CORO1C: variants seen among roughly 807,000 people sequenced by gnomAD.
CORO1C encodes coronin 1C, also known as coronin-1C.
A neutral mutation model predicts 51.2 loss-of-function variants in CORO1C; 14 were observed. That is an observed-to-expected ratio of 0.27 (90% CI 0.18 to 0.43). The LOEUF (loss-of-function observed/expected upper bound fraction) is 0.43. CORO1C is among the 20% of genes least tolerant of loss of function. The pLI is 1.00. For synonymous variants in CORO1C, 181 were observed against 210.5 expected (o/e 0.86, Z 1.21); for missense variants, 417 against 607.8 (o/e 0.69, Z 3.30).
At chr12:108,671,832 G>A (rs1449613341) in intron 3 of CORO1C, among the ~76,000 whole-genome samples, 3 of 152,034 alleles carry the variant, frequency 2.0e-5, no homozygotes, top group Non-Finnish European at 2.9e-5. Context: ...GCACGATCAC[G>A]GCTCAATGCA....
chr12:108,648,623 G>A lies in CORO1C; in HGVS notation c.1287C>T (p.Thr429=), dbSNP rs939101553. 1 of 1,614,064 alleles carries A rather than the reference G, an allele frequency of 6.2e-7. No homozygotes were observed. Among genetic ancestry groups the A allele is most frequent in the Non-Finnish European group, 8.5e-7 (1 of 1,180,038 alleles). The change falls in exon 10 of 11, where the codon ACC becomes ACT. Residue 429 remains threonine, a synonymous_variant. Coordinates refer to ENST00000261401, the MANE Select transcript of CORO1C (RefSeq NM_014325.4). ...TCCTCACCACACTGGCCGTGTCTGT[G>A]GTTTTCTTGGGGATGCTGATCAGGT... ...KCDLISIPKK[T]TDTASVQNEA...
At chr12:108,697,132 A>G (rs966406409) in intron 2 of CORO1C, among the ~76,000 whole-genome samples, 5 of 152,218 alleles carry the variant, frequency 3.3e-5, no homozygotes, top group African/African-American at 1.2e-4. Flanking sequence ...TGAGGTTGCA[A>G]TAAGAAGCCT....
intron 3 of CORO1C, among the ~76,000 whole-genome samples, chr12:108,667,373 T>G (rs986174544): frequency 1.3e-5 from 2 of 152,236 alleles, no homozygotes; most frequent in African/African-American, 4.8e-5. Flanking sequence ...ACTGGTACTG[T>G]AATACCAACC....
At chr12:108,730,466 T>C (rs1335360240) in intron 1 of CORO1C, 3 of 152,384 alleles carry the variant, frequency 2.0e-5, no homozygotes, top group Non-Finnish European at 4.4e-5. Context: ...CTGGGGAGCG[T>C]GCGCCGGTGG....
chr12:108,657,489 G>A (rs1227208184), intron 5 of CORO1C, 66 bp from the exon 6 acceptor site: 7 of 1,567,690 alleles, frequency 4.5e-6, no homozygotes, highest in Non-Finnish European at 6.1e-6. Context: ...GGAGAAACTC[G>A]GGCACAGATC....
chr12:108,726,613 C>T (rs1202642329), intron 1 of CORO1C, among the ~76,000 whole-genome samples: 1 of 150,010 alleles, frequency 6.7e-6, no homozygotes, highest in Non-Finnish European at 1.5e-5. Flanking sequence ...AGTTCAAGAC[C>T]AGCCTATACA....
intron 1 of CORO1C, among the ~76,000 whole-genome samples, chr12:108,723,117 T>C (rs1050064546): frequency 2.0e-5 from 3 of 152,174 alleles, no homozygotes; most frequent in African/African-American, 4.8e-5. Flanking sequence ...TAGGATGACA[T>C]TGTTAAGCTA....
chr12:108,655,913 G>A (rs2032948054), intron 6 of CORO1C, among the ~76,000 whole-genome samples: 3 of 151,356 alleles, frequency 2.0e-5, no homozygotes, highest in Admixed American at 6.6e-5. Flanking sequence ...CTTCCCGGCC[G>A]CCATCCCGTC....
chr12:108,672,834 C>CTACT (rs1036028450), intron 3 of CORO1C, among the ~76,000 whole-genome samples: 3 of 152,094 alleles, frequency 2.0e-5, no homozygotes, highest in Non-Finnish European at 4.4e-5. Context: ...TCTGATGTTA[C>CTACT]TACTGTAATT....
At chr12:108,660,174 G>A (rs956330821) in intron 4 of CORO1C, among the ~76,000 whole-genome samples, 2 of 152,134 alleles carry the variant, frequency 1.3e-5, no homozygotes, top group East Asian at 1.9e-4. Flanking sequence ...GAAACTGGCC[G>A]GGCACGGTGG....
intron 3 of CORO1C, among the ~76,000 whole-genome samples, chr12:108,670,983 AG>A (rs1565911611): frequency 6.6e-6 from 1 of 151,644 alleles, no homozygotes; most frequent in Non-Finnish European, 1.5e-5. Flanking sequence ...AAGAAATAAA[AG>A]GAAAAGAGCA....
chr12:108,709,725 GA>G (rs920295500), intron 1 of CORO1C, among the ~76,000 whole-genome samples: 2 of 148,770 alleles, frequency 1.3e-5, no homozygotes, highest in African/African-American at 4.9e-5. Flanking sequence ...TCTCAAAAAA[GA>G]AAAAAAAAGA....
chr12:108,699,765 A>G (rs1031473620), intron 2 of CORO1C, among the ~76,000 whole-genome samples: 23 of 152,230 alleles, frequency 1.5e-4, no homozygotes, highest in African/African-American at 5.5e-4. Context: ...AACAGAAATA[A>G]AAGTATCTAA....
At chr12:108,671,987 T>A (rs1399651548) in intron 3 of CORO1C, among the ~76,000 whole-genome samples, 2 of 152,176 alleles carry the variant, frequency 1.3e-5, no homozygotes, top group East Asian at 3.8e-4. Flanking sequence ...GGTCTTGAAC[T>A]CCTGGGCTCA....
chr12:108,686,076 A>C (rs1303352029), intron 2 of CORO1C, among the ~76,000 whole-genome samples: 1 of 152,258 alleles, frequency 6.6e-6, no homozygotes, highest in Non-Finnish European at 1.5e-5. Flanking sequence ...AGATTAAAGG[A>C]AACCATACTA....
intron 3 of CORO1C, among the ~76,000 whole-genome samples, chr12:108,665,417 G>A (rs1260070624): frequency 6.6e-6 from 1 of 152,038 alleles, no homozygotes; most frequent in African/African-American, 2.4e-5. Context: ...CATTTATTGA[G>A]TTACAATAAA....
Position 108,658,649 on chromosome 12 carries a change from G to C in CORO1C, c.630+89C>G. On this transcript the variant is annotated intron_variant, in intron 5 of 10. Transcript: ENST00000261401. This position sits in a 1 kb window ranked among gnomAD's most constrained non-coding sequence, Gnocchi z 4.9. Reference sequence around the variant, plus strand: ...TGTCTACACACAACAGGGTCCCACTGACCAGTACCGCTGCCTGCCTTAAAA... The same window carrying C: ...TGTCTACACACAACAGGGTCCCACTCACCAGTACCGCTGCCTGCCTTAAAA... 7.4e-7 allele frequency: 1 copy of C among 1,344,532 alleles called. No homozygotes were observed. The allele number at this position is 1,344,532 out of a possible 1,614,324, so 83.3% of individuals were successfully genotyped here. A position where few individuals can be genotyped will look rare whatever the true frequency, so the allele number is the denominator to read the frequency against.
chr12:108,712,497 C>G (rs1426003740), intron 1 of CORO1C, among the ~76,000 whole-genome samples: 1 of 150,054 alleles, frequency 6.7e-6, no homozygotes, highest in Admixed American at 6.7e-5. Context: ...TTGCTTGAAC[C>G]CAGGAGGTGG....
chr12:108,686,641 G>A (rs2034306240), intron 2 of CORO1C, among the ~76,000 whole-genome samples: 1 of 152,122 alleles, frequency 6.6e-6, no homozygotes, highest in Non-Finnish European at 1.5e-5. Flanking sequence ...CATGCCATAG[G>A]ATAGCTTTTG....
Sources: allele counts gnomAD v4.1 joint callset (sites outside exome capture counted in the v4.1 genomes callset), GRCh38; gene constraint gnomAD v4.1.1; non-coding constraint Gnocchi (gnomAD v3.1); transcripts MANE v1.5; gene names NCBI Gene and HGNC (gene_info 2026-07-23, HGNC 2026-07-21).